COL2A1: variants seen among roughly 807,000 people sequenced by gnomAD.
COL2A1 encodes the protein collagen alpha-1(II) chain.
COL2A1 carries 28 observed loss-of-function variants against 204.5 expected under a neutral mutation model. The observed-to-expected ratio is 0.14, with a 90% CI of 0.10 to 0.19. The LOEUF is 0.19. Among genes scored for constraint, COL2A1 ranks in the 10% least tolerant of loss-of-function variants. The pLI is 1.00. For missense variants in COL2A1, 1,388 were observed against 2,027.5 expected, an observed-to-expected ratio of 0.68 and a Z score of 6.06; for synonymous variants, 708 against 718.7, an observed-to-expected ratio of 0.99 and a Z score of 0.24.
intron 16 of COL2A1, 137 bp from the exon 17 acceptor site, chr12:47,989,942 T>TG: frequency 1.2e-6 from 1 of 803,250 alleles, no homozygotes; most frequent in Non-Finnish European, 2.1e-6. Context: ...TGGCGAGGTG[T>TG]GGGCTGCAGT....
chr12:47,983,928 A>G, intron 29 of COL2A1, 159 bp downstream of exon 29: 1 of 926,118 alleles, frequency 1.1e-6, no homozygotes, highest in Non-Finnish European at 1.7e-6. Context: ...GGGTCCACAC[A>G]GCCTCCTGGG....
chr12:47,987,824 C>T lies in COL2A1; in HGVS notation c.1123-115G>A, dbSNP rs1447632348. 3.9e-6 allele frequency: 3 copies of T among 766,666 alleles called. No individual in the cohort carries two copies. Among genetic ancestry groups the T allele is most frequent in the African/African-American group, 3.4e-5 (2 of 58,124 alleles). The allele number at this position is 766,666 out of a possible 1,614,324, so 47.5% of individuals were successfully genotyped here. Reference sequence around the variant, plus strand: ...CACAGCACTAAATTATGCACATGCACCCAACCCTGCACATGAACATGTGCG... The same window carrying T: ...CACAGCACTAAATTATGCACATGCATCCAACCCTGCACATGAACATGTGCG... On this transcript the variant is annotated intron_variant, in intron 18 of 53. Coordinates refer to ENST00000380518, the MANE Select transcript of COL2A1 (RefSeq NM_001844.5). This position sits in a 1 kb window ranked among gnomAD's most constrained non-coding sequence, Gnocchi z 4.1.
chr12:47,997,694 G>A lies in COL2A1; in HGVS notation c.443C>T (p.Pro148Leu). Residue 148 changes from proline (P) to leucine (L), a missense_variant, in exon 7 of 54, where the codon CCT becomes CTT. Physicochemically the swap from Pro to Leu is moderately conservative, Grantham distance 98. Coordinates refer to ENST00000380518, the MANE Select transcript of COL2A1 (RefSeq NM_001844.5). ...GDKGEKGAPG[P>L]RGRDGEPGTP... ...CCCAGGTTCTCCATCTCTGCCACGAGGTCCAGGGGCACCCTTGGCATAAAG... is the reference window on the plus strand; with the variant it reads ...CCCAGGTTCTCCATCTCTGCCACGAAGTCCAGGGGCACCCTTGGCATAAAG... 3 of 1,614,102 alleles carry A rather than the reference G, an allele frequency of 1.9e-6. No homozygotes were observed. The highest frequency in any genetic ancestry group is 1.7e-6 in the Non-Finnish European group (2 of 1,180,014).
intron 50 of COL2A1, 141 bp from the exon 51 acceptor site, chr12:47,975,746 A>G (rs2136513311): frequency 6.5e-6 from 6 of 921,046 alleles, no homozygotes; most frequent in Non-Finnish European, 8.4e-6. Flanking sequence ...AGGACCAAGG[A>G]AACCACAGCA....
chr12:47,982,096 C>A lies in COL2A1; in HGVS notation c.2355+11G>T, dbSNP rs1939124456. ...TAATGCCCAGCAGTCCAGCAGCCCG[C>A]ATTCACTTACTCGTCCACCATCCTT... On this transcript the variant is annotated intron_variant, in intron 35 of 53. Transcript: ENST00000380518. The A allele has an allele frequency of 1.9e-6, 3 of 1,613,442 alleles. No individual in the cohort carries two copies. The highest frequency in any genetic ancestry group is 1.3e-5 in the African/African-American group (1 of 75,034).
Position 47,986,816 on chromosome 12 carries a change from C to T in COL2A1, c.1419+19G>A. 6.2e-7 allele frequency: 1 copy of T among 1,614,094 alleles called. No individual in the cohort carries two copies. The highest frequency in any genetic ancestry group is 8.5e-7 in the Non-Finnish European group (1 of 1,179,978). On this transcript the variant is annotated intron_variant, in intron 22 of 53. Transcript: ENST00000380518. Reference sequence around the variant, plus strand: ...AGAACAGCAGCAGAGAAGACAAGGGCTTGGGGGCAGATACTCACAGGTTCT... The same window carrying T: ...AGAACAGCAGCAGAGAAGACAAGGGTTTGGGGGCAGATACTCACAGGTTCT...
intron 28 of COL2A1, 143 bp downstream of exon 28, chr12:47,984,403 C>A: frequency 1.1e-6 from 1 of 915,662 alleles, no homozygotes; most frequent in Admixed American, 2.0e-5. Flanking sequence ...CCCAAAGGGC[C>A]CAGCCAGCAT....
intron 2 of COL2A1, 28 bp from the exon 3 acceptor site, chr12:47,998,459 G>C: frequency 1.2e-6 from 2 of 1,605,600 alleles, no homozygotes; most frequent in Non-Finnish European, 1.7e-6. Context: ...TAGAGAAGAA[G>C]AAGGTAAGAA....
At chr12:47,986,114 C>G (rs1592218210) in intron 23 of COL2A1, 149 bp from the exon 24 acceptor site, 1 of 860,496 alleles carries the variant, frequency 1.2e-6, no homozygotes, top group Non-Finnish European at 1.9e-6. Flanking sequence ...ACTTCTGGAG[C>G]CTGCCCCGCT....
chr12:47,997,537 G>A (rs1317511450), intron 7 of COL2A1, 69 bp downstream of exon 7: 1 of 1,612,994 alleles, frequency 6.2e-7, no homozygotes, highest in Non-Finnish European at 8.5e-7. Context: ...CCAGGTAAGT[G>A]CAAGCAGCAA....
rs1239956745 is a variant in COL2A1 at position 47,977,152 on chromosome 12, C to T, written c.3277G>A (p.Ala1093Thr). Reference protein sequence around the residue: ...GKQGDRGEAGAQGPMGPSGPA... With the variant: ...GKQGDRGEAGTQGPMGPSGPA... ...CCTGAGGGTCCCATGGGGCCTTGTG[C>T]ACCCTGAGGAGAGAGTGAGCGCAGC... is the stretch of plus-strand genomic sequence containing the variant. The change falls in exon 47 of 54, where the codon GCA (alanine) becomes ACA (threonine). Residue 1093 changes from alanine (A) to threonine (T), a missense_variant. Ala to Thr is a moderately conservative substitution (Grantham distance 58, BLOSUM62 0). Transcript: ENST00000380518. 6.2e-7 allele frequency: 1 copy of T among 1,610,738 alleles called. No individual in the cohort carries two copies. The highest frequency in any genetic ancestry group is 8.5e-7 in the Non-Finnish European group (1 of 1,178,798).
Position 47,974,106 on chromosome 12 carries a change from G to T in COL2A1, c.4300C>A (p.Leu1434Met). The T allele has an allele frequency of 1.2e-6, 2 of 1,614,190 alleles. No individual in the cohort carries two copies. The highest frequency in any genetic ancestry group is 2.2e-5 in the South Asian group (2 of 91,080). ...EGNSRFTYTA[L>M]KDGCTKHTGK... ...CCACTCACCGTGCAGCCATCCTTCA[G>T]GGCAGTGTACGTGAACCTGCTATTG... Residue 1434 changes from leucine (L) to methionine (M), a missense_variant, in exon 53 of 54, where the codon CTG becomes ATG. Physicochemically the swap from Leu to Met is conservative, Grantham distance 15. Coordinates refer to ENST00000380518, the MANE Select transcript of COL2A1 (RefSeq NM_001844.5).
intron 52 of COL2A1, 24 bp downstream of exon 52, chr12:47,974,651 C>A (rs763689431): frequency 1.4e-5 from 23 of 1,613,276 alleles, no homozygotes; most frequent in Middle Eastern, 1.6e-4. Flanking sequence ...CTCTGCTCAT[C>A]ATCTAGGGCA....
intron 1 of COL2A1, 47 bp from the exon 2 acceptor site, chr12:48,000,172 G>A (rs372890374): frequency 7.5e-7 from 1 of 1,337,070 alleles, no homozygotes; most frequent in East Asian, 2.4e-5. Context: ...AGGGAAGGAG[G>A]GGGTGGGGAG....
intron 22 of COL2A1, 69 bp from the exon 23 acceptor site, chr12:47,986,512 G>T: frequency 3.3e-6 from 3 of 918,890 alleles, no homozygotes; most frequent in Non-Finnish European, 3.4e-6. Context: ...TCGACTCAGA[G>T]TATGAAGGAA....
At position 47,998,626 on chromosome 12, in the gene COL2A1, C is replaced by T. The variant is rs543935334; in HGVS notation, c.293-195G>A. The T allele has an allele frequency of 6.4e-6, 4 of 621,786 alleles. No individual in the cohort carries two copies. The East Asian group carries it at 8.4e-5, about 13-fold the overall frequency. 38.5% of individuals were successfully genotyped at this position (621,786 alleles called of 1,614,324 possible). A position where few individuals can be genotyped will look rare whatever the true frequency, so the allele number is the denominator to read the frequency against. On this transcript the variant is annotated intron_variant, in intron 2 of 53. Transcript: ENST00000380518. ...CTGTGGCCCTGGGGTTGCTGAGGTCCCATGAGGAATGGAGGTGACCCAGAC... is the reference window on the plus strand; with the variant it reads ...CTGTGGCCCTGGGGTTGCTGAGGTCTCATGAGGAATGGAGGTGACCCAGAC...
chr12:47,989,710 C>G (rs41317907), intron 17 of COL2A1, 51 bp downstream of exon 17: 1 of 1,555,072 alleles, frequency 6.4e-7, no homozygotes, highest in Non-Finnish European at 8.9e-7. Context: ...GGCTGCTTAA[C>G]GGGACTTAAA....
At chr12:47,975,681 G>T in intron 50 of COL2A1, 76 bp from the exon 51 acceptor site, 1 of 1,493,412 alleles carries the variant, frequency 6.7e-7, no homozygotes, top group Non-Finnish European at 9.1e-7. Flanking sequence ...TTGCTAGAAT[G>T]TACTAGAGTG....
Position 47,973,562 on chromosome 12 carries a change from G to GA in COL2A1, c.4318-10dup, listed in dbSNP as rs1565664441. On this transcript the variant is annotated splice_polypyrimidine_tract_variant and intron_variant, in intron 53 of 53. Coordinates refer to ENST00000380518, the MANE Select transcript of COL2A1 (RefSeq NM_001844.5). ...CACTTACCGGTATGTTTCTAGGGGAGAAAAAAGGAGGAGGCTCTGTTCAGT... is the reference window on the plus strand; with the variant it reads ...CACTTACCGGTATGTTTCTAGGGGAGAAAAAAAGGAGGAGGCTCTGTTCAGT... 6.2e-7 allele frequency: 1 copy of GA among 1,614,004 alleles called. No individual in the cohort carries two copies. Among genetic ancestry groups the GA allele is most frequent in the Non-Finnish European group, 8.5e-7 (1 of 1,179,978 alleles).
Sources: allele counts gnomAD v4.1 joint callset, GRCh38; gene constraint gnomAD v4.1.1; non-coding constraint Gnocchi (gnomAD v3.1); transcripts MANE v1.5; gene names NCBI Gene and HGNC (gene_info 2026-07-23, HGNC 2026-07-21).